MID1: variants seen among roughly 807,000 people sequenced by gnomAD.
The protein encoded by MID1 is midline 1, also known as E3 ubiquitin-protein ligase Midline-1.
Under a neutral mutation model 40.4 loss-of-function variants are expected in MID1, and 7 were observed. That is an observed-to-expected ratio of 0.17 (90% CI 0.10 to 0.33). The LOEUF (loss-of-function observed/expected upper bound fraction) is 0.33. MID1 is among the 10% of genes least tolerant of loss of function. MID1 has a pLI of 1.00. For missense variants in MID1, 367 were observed against 558.5 expected (o/e 0.66, Z 3.46); for synonymous variants, 229 against 221.2 (o/e 1.04, Z -0.31).
At chrX:10,533,372 GAA>G (rs1569089737) in intron 2 of MID1, among the ~76,000 whole-genome samples, 28 of 49,647 alleles carry the variant, frequency 5.6e-4, no homozygotes, top group African/African-American at 1.7e-3. Context: ...AAGAAAGAAA[GAA>G]AGAAAAAGAA....
chrX:10,753,397 A>G (rs2147115654), intron 1 of MID1, among the ~76,000 whole-genome samples: 1 of 111,429 alleles, frequency 9.0e-6, no homozygotes, highest in African/African-American at 3.3e-5. Flanking sequence ...AATGAGTAGC[A>G]AATTCAGGTC....
intron 1 of MID1, among the ~76,000 whole-genome samples, chrX:10,587,817 C>T (rs1203788621): frequency 9.0e-6 from 1 of 110,914 alleles, no homozygotes; most frequent in Non-Finnish European, 1.9e-5. Flanking sequence ...TACCATTTTA[C>T]ATTTAACAAT....
chrX:10,623,271 A>G (rs942112133), upstream of MID1, among the ~76,000 whole-genome samples: 1 of 102,964 alleles, frequency 9.7e-6, no homozygotes, highest in African/African-American at 3.7e-5. Context: ...AAATAAAGAA[A>G]GGAAAGAAAG....
intron 1 of MID1, among the ~76,000 whole-genome samples, chrX:10,618,783 G>A (rs1044372655): frequency 1.6e-4 from 18 of 111,708 alleles, no homozygotes; most frequent in African/African-American, 5.9e-4. Context: ...AGGGATTCTG[G>A]AAATTGAGCT....
At chrX:10,671,198 C>T (rs1409516980) in intron 1 of MID1, among the ~76,000 whole-genome samples, 1 of 111,848 alleles carries the variant, frequency 8.9e-6, no homozygotes, top group East Asian at 2.8e-4. Context: ...GTACAGGTAG[C>T]TCTCATACTA....
chrX:10,796,533 T>C (rs1158514899), intron 1 of MID1, among the ~76,000 whole-genome samples: 3 of 108,777 alleles, frequency 2.8e-5, no homozygotes, highest in Non-Finnish European at 5.7e-5. Context: ...AGTCCATCAA[T>C]CTGATTTGTG....
chrX:10,508,750 T>C (rs1329714535), intron 3 of MID1, among the ~76,000 whole-genome samples: 1 of 111,743 alleles, frequency 8.9e-6, no homozygotes, highest in Non-Finnish European at 1.9e-5. Context: ...CAGGGTACAG[T>C]GGGCATGCAT....
At chrX:10,764,692 G>GT (rs962820655) in intron 1 of MID1, among the ~76,000 whole-genome samples, 23 of 111,378 alleles carry the variant, frequency 2.1e-4, no homozygotes, top group Non-Finnish European at 1.5e-4. Flanking sequence ...TGGCAGGCTG[G>GT]TTTAATTTAA....
At chrX:10,748,501 C>T (rs1037523207) in intron 1 of MID1, among the ~76,000 whole-genome samples, 5 of 111,684 alleles carry the variant, frequency 4.5e-5, no homozygotes, top group African/African-American at 1.3e-4. Context: ...TTGAGGTAAA[C>T]TTTTCTCTTA....
At chrX:10,558,783 T>C (rs1028082387) in intron 2 of MID1, among the ~76,000 whole-genome samples, 2 of 112,845 alleles carry the variant, frequency 1.8e-5, no homozygotes, top group African/African-American at 6.4e-5. Context: ...AGCCCTGTTT[T>C]ATAGACGAGT....
chrX:10,819,009 G>A (rs2044156930), intron 1 of MID1, among the ~76,000 whole-genome samples: 3 of 112,053 alleles, frequency 2.7e-5, no homozygotes, highest in Non-Finnish European at 5.6e-5. Flanking sequence ...ATGGCAAATT[G>A]AGGGGTGTGA....
intron 1 of MID1, among the ~76,000 whole-genome samples, chrX:10,826,709 AC>A (rs1426263893): frequency 1.8e-5 from 2 of 111,200 alleles, no homozygotes; most frequent in African/African-American, 6.6e-5. Flanking sequence ...GGCAACATAT[AC>A]CTCCATTTTA....
intron 3 of MID1, among the ~76,000 whole-genome samples, chrX:10,516,883 G>A (rs1342312752): frequency 9.0e-6 from 1 of 111,145 alleles, no homozygotes; most frequent in Non-Finnish European, 1.9e-5. Context: ...CCCAAAGTAT[G>A]CTGGGATTAC....
chrX:10,730,101 T>A (rs866097180), intron 1 of MID1, among the ~76,000 whole-genome samples: 2 of 106,408 alleles, frequency 1.9e-5, no homozygotes, highest in Non-Finnish European at 3.9e-5. Flanking sequence ...AAAAAATAAA[T>A]AAATGAATAA....
chrX:10,778,217 C>T (rs752830855), intron 1 of MID1, among the ~76,000 whole-genome samples: 1 of 111,110 alleles, frequency 9.0e-6, no homozygotes, highest in Non-Finnish European at 1.9e-5. Flanking sequence ...AGCATCACCC[C>T]AGACACGTGA....
Position 10,482,533 on chromosome X carries a change from C to T in MID1, c.960G>A (p.Leu320=). 1.7e-6 allele frequency: 2 copies of T among 1,210,976 alleles called. No individual in the cohort carries two copies. Among genetic ancestry groups the T allele is most frequent in the Non-Finnish European group, 2.2e-6 (2 of 895,101 alleles). Residue 320 remains leucine, a synonymous_variant, in exon 5 of 10, where the codon CTG becomes CTA. Transcript: ENST00000317552. ...GGAAACGCGCATGATCATTCTCCTT[C>T]AGAGAGTGTTCCGCTTGGGAGATGA... ...ASLISQAEHS[L]KENDHARFLQ... is the part of the protein sequence containing the mutation.
In MID1 at chrX:10,736,973, T is replaced by C. The variant is rs183975258; in HGVS notation, c.-187+96581A>G. Among the ~76,000 whole-genome samples, 593 of 112,125 alleles carry C rather than the reference T, an allele frequency of 5.3e-3. 3 individuals are homozygous for C. The highest frequency in any genetic ancestry group is 0.016 in the African/African-American group (481 of 30,898). Reference sequence around the variant, plus strand: ...TGCACAATATAGATTCACACATGTATAGTTTATATATATAAGATATATTTT... The same window carrying C: ...TGCACAATATAGATTCACACATGTACAGTTTATATATATAAGATATATTTT... On this transcript the variant is annotated intron_variant, in intron 1 of 10. Coordinates refer to the MID1 transcript ENST00000380785.
intron 1 of MID1, among the ~76,000 whole-genome samples, chrX:10,706,320 T>C (rs913597848): frequency 9.0e-6 from 1 of 110,896 alleles, no homozygotes; most frequent in Admixed American, 9.6e-5. Context: ...TAAAATACAG[T>C]GTCTTTCTAG....
At chrX:10,533,069 C>A (rs1186507928) in intron 2 of MID1, among the ~76,000 whole-genome samples, 1 of 109,475 alleles carries the variant, frequency 9.1e-6, no homozygotes, top group African/African-American at 3.3e-5. Flanking sequence ...ACCGTGCCCG[C>A]CCTCATTTTT....
Sources: allele counts gnomAD v4.1 joint callset (sites outside exome capture counted in the v4.1 genomes callset), GRCh38; gene constraint gnomAD v4.1.1; transcripts MANE v1.5; gene names NCBI Gene and HGNC (gene_info 2026-07-23, HGNC 2026-07-21).